The following PPP2R3A variants were observed in gnomAD, a reference collection of about 807,000 sequenced individuals.
PPP2R3A encodes the protein protein phosphatase 2 regulatory subunit B''alpha, also known as serine/threonine-protein phosphatase 2A regulatory subunit B'' subunit alpha.
A neutral mutation model predicts 106.9 loss-of-function variants in PPP2R3A; 80 were observed. The observed-to-expected ratio is 0.75, with a 90% CI of 0.62 to 0.90. The LOEUF is 0.90. Among genes scored for constraint, PPP2R3A ranks in the 40% least tolerant of loss-of-function variants. The pLI, the probability that PPP2R3A is intolerant of heterozygous loss-of-function variation, is 0.00. For synonymous variants in PPP2R3A, 483 were observed against 468.3 expected (o/e 1.03, Z -0.41); for missense variants, 1,386 against 1,350.4 (o/e 1.03, Z -0.41).
chr3:136,056,140 T>C (rs1053625671), intron 5 of PPP2R3A, among the ~76,000 whole-genome samples: 3 of 152,162 alleles, frequency 2.0e-5, no homozygotes, highest in African/African-American at 7.2e-5. Context: ...TAATGAAATA[T>C]CCTACATAAT....
intron 1 of PPP2R3A, among the ~76,000 whole-genome samples, chr3:135,994,068 G>A (rs963139853): frequency 6.6e-6 from 1 of 152,154 alleles, no homozygotes; most frequent in African/African-American, 2.4e-5. Flanking sequence ...TTTATTGTAT[G>A]TAAATTATCA....
At chr3:135,987,750 T>C (rs973620271) in intron 1 of PPP2R3A, among the ~76,000 whole-genome samples, 1 of 152,164 alleles carries the variant, frequency 6.6e-6, no homozygotes, top group Non-Finnish European at 1.5e-5. Context: ...AGATCTACAC[T>C]GTCTAGTACT....
At chr3:136,084,831 C>T (rs776819025) in intron 8 of PPP2R3A, among the ~76,000 whole-genome samples, 8 of 152,164 alleles carry the variant, frequency 5.3e-5, no homozygotes, top group Non-Finnish European at 7.3e-5. Flanking sequence ...AGACTTGCAT[C>T]GGGCCTGTAG....
At chr3:136,008,631 C>G (rs993309907) in intron 2 of PPP2R3A, among the ~76,000 whole-genome samples, 4 of 152,098 alleles carry the variant, frequency 2.6e-5, no homozygotes, top group Non-Finnish European at 4.4e-5. Context: ...CAAGATGTAC[C>G]ATTATGATCC....
At chr3:135,975,089 T>C (rs528252753) in intron 1 of PPP2R3A, among the ~76,000 whole-genome samples, 1 of 152,346 alleles carries the variant, frequency 6.6e-6, no homozygotes, top group Admixed American at 6.5e-5. Context: ...CTCAACATGA[T>C]ACATCTTGGC....
intron 6 of PPP2R3A, among the ~76,000 whole-genome samples, chr3:136,077,573 T>C (rs1428028817): frequency 8.9e-6 from 1 of 112,906 alleles, no homozygotes. Flanking sequence ...AGAAGAAAAA[T>C]AATCAGTGAA....
chr3:136,117,160 G>T (rs1388927937), intron 13 of PPP2R3A, among the ~76,000 whole-genome samples: 1 of 152,156 alleles, frequency 6.6e-6, no homozygotes, highest in African/African-American at 2.4e-5. Context: ...CGAAATGAAG[G>T]CAGAAATAAA....
intron 1 of PPP2R3A, among the ~76,000 whole-genome samples, chr3:135,984,571 T>G (rs1053503548): frequency 1.3e-5 from 2 of 152,040 alleles, no homozygotes; most frequent in African/African-American, 4.8e-5. Flanking sequence ...CCCATGCCGT[T>G]CTCGCGATAG....
At chr3:136,077,110 A>T (rs1222200407) in intron 6 of PPP2R3A, among the ~76,000 whole-genome samples, 1 of 152,172 alleles carries the variant, frequency 6.6e-6, no homozygotes, top group Admixed American at 6.5e-5. Flanking sequence ...GGAGCACAGA[A>T]GGCAGAGCTC....
At chr3:136,053,518 T>A (rs886634652) in intron 5 of PPP2R3A, among the ~76,000 whole-genome samples, 6 of 152,160 alleles carry the variant, frequency 3.9e-5, no homozygotes, top group African/African-American at 1.4e-4. Flanking sequence ...CAATGAGAGA[T>A]ACTGGAAATG....
At chr3:136,097,798 G>A (rs1163540421) in intron 10 of PPP2R3A, among the ~76,000 whole-genome samples, 1 of 151,776 alleles carries the variant, frequency 6.6e-6, no homozygotes, top group South Asian at 2.1e-4. Context: ...TGCCCCTTTT[G>A]TACTGAAACC....
intron 8 of PPP2R3A, among the ~76,000 whole-genome samples, chr3:136,083,054 AC>A (rs1936829569): frequency 6.6e-6 from 1 of 152,060 alleles, no homozygotes; most frequent in Non-Finnish European, 1.5e-5. Context: ...TCACTTTGTC[AC>A]CTAGGCTGGA....
intron 3 of PPP2R3A, among the ~76,000 whole-genome samples, chr3:136,031,764 C>A (rs1289427454): frequency 6.6e-6 from 1 of 152,168 alleles, no homozygotes; most frequent in African/African-American, 2.4e-5. Context: ...AAAGAGTATG[C>A]TTTCCCTGCT....
At chr3:135,985,303 GTC>G (rs1257873070) in intron 1 of PPP2R3A, among the ~76,000 whole-genome samples, 1 of 148,912 alleles carries the variant, frequency 6.7e-6, no homozygotes, top group South Asian at 2.2e-4. Context: ...TGCTCACTTT[GTC>G]TCTCTCTCTC....
At chr3:136,126,606 G>T (rs532439097) in intron 13 of PPP2R3A, among the ~76,000 whole-genome samples, 5 of 152,200 alleles carry the variant, frequency 3.3e-5, no homozygotes, top group Non-Finnish European at 7.3e-5. Context: ...AGACTTAAAC[G>T]TCCCTGTCTG....
intron 13 of PPP2R3A, among the ~76,000 whole-genome samples, chr3:136,108,973 C>G (rs1283230474): frequency 6.6e-6 from 1 of 151,962 alleles, no homozygotes; most frequent in Non-Finnish European, 1.5e-5. Flanking sequence ...AATCATAAAA[C>G]CAAGAGACAA....
chr3:136,071,699 G>A (rs1936434154), intron 6 of PPP2R3A, among the ~76,000 whole-genome samples: 1 of 152,094 alleles, frequency 6.6e-6, no homozygotes, highest in Admixed American at 6.5e-5. Flanking sequence ...TAGTTTCCCA[G>A]CTCACATAGA....
intron 1 of PPP2R3A, among the ~76,000 whole-genome samples, chr3:135,977,728 C>T (rs1937457050): frequency 9.7e-6 from 1 of 102,736 alleles, no homozygotes; most frequent in African/African-American, 3.9e-5. Context: ...AGATAAGAGT[C>T]TCACTGTGTT....
chr3:136,126,020 C>A (rs898687682), intron 13 of PPP2R3A, among the ~76,000 whole-genome samples: 1 of 152,134 alleles, frequency 6.6e-6, no homozygotes. Flanking sequence ...AAAGGAGGGG[C>A]GTTCCAAGAT....
Sources: allele counts gnomAD v4.1 joint callset (sites outside exome capture counted in the v4.1 genomes callset), GRCh38; gene constraint gnomAD v4.1.1; transcripts MANE v1.5; gene names NCBI Gene and HGNC (gene_info 2026-07-23, HGNC 2026-07-21).